Variants in CACNA1C observed in about 807,000 individuals in gnomAD.
The protein encoded by CACNA1C is voltage-dependent L-type calcium channel subunit alpha-1C.
In CACNA1C, 30 loss-of-function variants were observed where a neutral mutation model predicts 229.0. The observed-to-expected ratio is 0.13, with a 90% CI of 0.10 to 0.18. The LOEUF (loss-of-function observed/expected upper bound fraction) is 0.18. CACNA1C is among the 10% of genes least tolerant of loss of function. The pLI, the probability that CACNA1C is intolerant of heterozygous loss-of-function variation, is 1.00. For synonymous variants in CACNA1C, 1,114 were observed against 1,132.5 expected, an observed-to-expected ratio of 0.98 and a Z score of 0.33; for missense variants, 1,658 against 2,845.0, an observed-to-expected ratio of 0.58 and a Z score of 9.49.
intron 1 of CACNA1C, among the ~76,000 whole-genome samples, chr12:2,091,464 T>A (rs2070932723): frequency 6.6e-6 from 1 of 152,220 alleles, no homozygotes; most frequent in African/African-American, 2.4e-5. Context: ...GAAGACTGTT[T>A]CCTTACCTTT....
At chr12:2,094,256 A>G (rs893145761) in intron 1 of CACNA1C, among the ~76,000 whole-genome samples, 2 of 152,184 alleles carry the variant, frequency 1.3e-5, no homozygotes, top group Non-Finnish European at 2.9e-5. Context: ...AGAAACCAGC[A>G]GACATTTCAG....
intron 3 of CACNA1C, among the ~76,000 whole-genome samples, chr12:2,276,156 A>G (rs1404612596): frequency 2.0e-5 from 3 of 152,096 alleles, no homozygotes; most frequent in Admixed American, 6.5e-5. Context: ...TTCATTATTC[A>G]GAGCAGAAAA....
chr12:2,087,391 A>G (rs1319900977), intron 1 of CACNA1C, among the ~76,000 whole-genome samples: 1 of 152,134 alleles, frequency 6.6e-6, no homozygotes, highest in East Asian at 1.9e-4. Flanking sequence ...GTTTTTAGAG[A>G]TAATTAGAGA....
At chr12:2,466,302 A>T (rs979947973) in intron 5 of CACNA1C, among the ~76,000 whole-genome samples, 3 of 152,212 alleles carry the variant, frequency 2.0e-5, no homozygotes, top group African/African-American at 7.2e-5. Context: ...GGCTCCCAGG[A>T]AAGTGTTTTC....
chr12:2,423,303 T>A (rs926684695), intron 3 of CACNA1C, among the ~76,000 whole-genome samples: 1 of 152,160 alleles, frequency 6.6e-6, no homozygotes, highest in African/African-American at 2.4e-5. Context: ...TTTATTTTCA[T>A]CATCTTCATT....
chr12:1,987,454 C>G (rs1160403799), intron 1 of CACNA1C, among the ~76,000 whole-genome samples: 1 of 152,112 alleles, frequency 6.6e-6, no homozygotes, highest in African/African-American at 2.4e-5. Context: ...AATACATGTA[C>G]ATAATTTTAG....
At chr12:2,578,078 C>T (rs577887264) in intron 13 of CACNA1C, among the ~76,000 whole-genome samples, 13 of 151,926 alleles carry the variant, frequency 8.6e-5, no homozygotes, top group African/African-American at 2.9e-4. Flanking sequence ...CCGTGTTAGC[C>T]AGGATGGTCT....
chr12:2,675,025 T>G (rs1188008880), intron 39 of CACNA1C, among the ~76,000 whole-genome samples: 1 of 152,150 alleles, frequency 6.6e-6, no homozygotes, highest in East Asian at 1.9e-4. Context: ...TCTAAGGCCC[T>G]CAAACGAGAA....
chr12:2,398,269 C>T (rs1371765293), intron 3 of CACNA1C, among the ~76,000 whole-genome samples: 1 of 152,266 alleles, frequency 6.6e-6, no homozygotes, highest in Non-Finnish European at 1.5e-5. Context: ...GAATCCCTCA[C>T]ACCTTCTTTG....
chr12:2,616,600 G>A lies in CACNA1C; in HGVS notation c.3828+4587G>A, dbSNP rs184673334. Among the ~76,000 whole-genome samples the A allele has an allele frequency of 1.6e-4, 24 of 152,334 alleles. No homozygotes were observed. In the East Asian group the frequency reaches 4.6e-3, roughly 29 times the overall value. ...GGTCTGGAGTTAGTCGCTGCTGCGA[G>A]CCCCCATAGGGCGTGTCCCGTGAGC... On this transcript the variant is annotated intron_variant, in intron 29 of 46. Coordinates refer to ENST00000399655, the MANE Select transcript of CACNA1C (RefSeq NM_000719.7).
In CACNA1C at chr12:2,654,454, G is replaced by A. The variant is rs118115376; in HGVS notation, c.4140+554G>A. ...CCAGGTGCCCACTGCACCATTCACC[G>A]CAAACCTAGGGCTCTCCATTCCCGT... On this transcript the variant is annotated intron_variant, in intron 33 of 46. Coordinates refer to ENST00000399655, the MANE Select transcript of CACNA1C (RefSeq NM_000719.7). The surrounding 1 kb of genome is among the most constrained non-coding windows in gnomAD (Gnocchi z 4.4). 8.5e-5 allele frequency among the ~76,000 whole-genome samples: 13 copies of A among 152,260 alleles called. No homozygotes were observed. Among genetic ancestry groups the A allele is most frequent in the Non-Finnish European group, 1.6e-4 (11 of 68,004 alleles).
chr12:2,311,508 C>T (rs1008697621), intron 3 of CACNA1C, among the ~76,000 whole-genome samples: 1 of 152,184 alleles, frequency 6.6e-6, no homozygotes, highest in East Asian at 1.9e-4. Context: ...CAAGCTGACC[C>T]ATTTCCACAG....
intron 3 of CACNA1C, among the ~76,000 whole-genome samples, chr12:2,280,270 T>TTGCTGTGCTTCGGTTTAACCTCTTGAG (rs1566851524): frequency 4.7e-5 from 3 of 63,876 alleles, no homozygotes; most frequent in South Asian, 7.6e-4. Context: ...AACCTCTTGA[T>TTGCTGTGCTTCGGTTTAACCTCTTGAG]ACCTTGCTGT....
At chr12:2,390,423 A>C (rs1283365488) in intron 3 of CACNA1C, among the ~76,000 whole-genome samples, 1 of 152,236 alleles carries the variant, frequency 6.6e-6, no homozygotes, top group Admixed American at 6.5e-5. Context: ...AGCATTTACT[A>C]TGGATTAGGC....
chr12:2,129,626 A>G (rs1458955143), intron 3 of CACNA1C, among the ~76,000 whole-genome samples: 1 of 152,226 alleles, frequency 6.6e-6, no homozygotes, highest in African/African-American at 2.4e-5. Flanking sequence ...TGGATCCTTA[A>G]AAGAAAAATC....
chr12:2,290,250 G>A (rs1333566270), intron 3 of CACNA1C, among the ~76,000 whole-genome samples: 1 of 152,190 alleles, frequency 6.6e-6, no homozygotes, highest in African/African-American at 2.4e-5. Flanking sequence ...TTGCTTCACA[G>A]ATGTCAAGGC....
chr12:2,310,945 G>C (rs1219207801), intron 3 of CACNA1C, among the ~76,000 whole-genome samples: 2 of 152,222 alleles, frequency 1.3e-5, no homozygotes, highest in African/African-American at 4.8e-5. Context: ...CAGGGCTGAT[G>C]TCTGCAACAG....
chr12:2,519,226 C>T (rs1367913563), intron 9 of CACNA1C, among the ~76,000 whole-genome samples: 1 of 152,240 alleles, frequency 6.6e-6, no homozygotes, highest in Non-Finnish European at 1.5e-5. Context: ...CTTTAATTCA[C>T]CGTTGTGTCC....
At chr12:2,225,693 A>C (rs1410540038) in intron 3 of CACNA1C, among the ~76,000 whole-genome samples, 1 of 152,192 alleles carries the variant, frequency 6.6e-6, no homozygotes, top group Admixed American at 6.5e-5. Flanking sequence ...ATTAAGGCTT[A>C]AGACCCTGTT....
Sources: gnomAD v4.1 joint callset for allele counts (sites outside exome capture counted in the v4.1 genomes callset) on GRCh38, gnomAD v4.1.1 for gene constraint, Gnocchi (gnomAD v3.1) non-coding constraint, MANE v1.5 for transcripts, NCBI Gene and HGNC (gene_info 2026-07-23, HGNC 2026-07-21) for gene names.